AMDHD1: variants seen among roughly 807,000 people sequenced by gnomAD.
AMDHD1 encodes the protein amidohydrolase domain containing 1.
In AMDHD1, 45 loss-of-function variants were observed where a neutral mutation model predicts 44.1. The observed-to-expected ratio is 1.02, with a 90% CI of 0.80 to 1.31. The LOEUF (loss-of-function observed/expected upper bound fraction) is 1.31, where lower values mean the gene tolerates loss of function less well. Ranked by LOEUF, AMDHD1 falls within the 50% of genes most tolerant of loss-of-function variation. AMDHD1 has a pLI of 0.00. For missense variants in AMDHD1, 586 were observed against 552.1 expected (o/e 1.06, Z -0.61); for synonymous variants, 206 against 205.0 (o/e 1.00, Z -0.04).
At chr12:95,967,580 T>G (rs1254310295) in intron 8 of AMDHD1, among the ~76,000 whole-genome samples, 176 bp from the exon 9 acceptor site, 1 of 152,248 alleles carries the variant, frequency 6.6e-6, no homozygotes, top group Non-Finnish European at 1.5e-5. Flanking sequence ...TAAACAATGT[T>G]TGATTTACCA....
intron 5 of AMDHD1, among the ~76,000 whole-genome samples, chr12:95,961,128 G>C (rs1026979936): frequency 5.6e-5 from 7 of 125,492 alleles, no homozygotes; most frequent in Middle Eastern, 5.1e-3. Context: ...CTGGGGGACA[G>C]AGCAAGACTC....
chr12:95,964,800 C>A (rs56093046), intron 6 of AMDHD1, among the ~76,000 whole-genome samples: 1 of 151,542 alleles, frequency 6.6e-6, no homozygotes, highest in African/African-American at 2.4e-5. Flanking sequence ...TGAGATATGT[C>A]TTAAAGAATA....
At chr12:95,945,120 C>T (rs963365457) in intron 1 of AMDHD1, among the ~76,000 whole-genome samples, 71 of 152,174 alleles carry the variant, frequency 4.7e-4, no homozygotes, top group African/African-American at 1.6e-3. Flanking sequence ...GGTGACAGAG[C>T]GAGACTCTGT....
Position 95,964,928 on chromosome 12 carries a change from C to CAAAAAAAAAAAAAAAAAAAAAAAAAAAA in AMDHD1, c.939-735_939-734insAAAAAAAAAAAAAAAAAAAAAAAAAAAA, listed in dbSNP as rs60076877. ...AAAGGACCTACAGAGATGTTTGAGG[C>CAAAAAAAAAAAAAAAAAAAAAAAAAAAA]AAAAAAAAAAAAAAAAAAAAAAAGA... On this transcript the variant is annotated intron_variant, in intron 6 of 8. Coordinates refer to ENST00000266736, the MANE Select transcript of AMDHD1 (RefSeq NM_152435.3). 5.6e-5 allele frequency among the ~76,000 whole-genome samples: 2 copies of CAAAAAAAAAAAAAAAAAAAAAAAAAAAA among 35,832 alleles called. 1 individual carries two copies. The highest frequency in any genetic ancestry group is 2.7e-4 in the African/African-American group (2 of 7,360). The allele number at this position is 35,832 out of a possible 152,430, so 23.5% of individuals were successfully genotyped here. A position where few individuals can be genotyped will look rare whatever the true frequency, so the allele number is the denominator to read the frequency against.
intron 1 of AMDHD1, among the ~76,000 whole-genome samples, chr12:95,950,583 C>T (rs956042348): frequency 7.2e-5 from 11 of 152,190 alleles, no homozygotes; most frequent in African/African-American, 1.7e-4. Flanking sequence ...TCCAGACATA[C>T]GAATGCAGGG....
intron 8 of AMDHD1, among the ~76,000 whole-genome samples, chr12:95,966,709 C>T (rs936318332): frequency 6.6e-6 from 1 of 152,204 alleles, no homozygotes; most frequent in African/African-American, 2.4e-5. Context: ...TTTTCAAGAT[C>T]TCTTCATCTG....
intron 6 of AMDHD1, 31 bp from the exon 7 acceptor site, chr12:95,965,654 TA>T: frequency 6.6e-7 from 1 of 1,507,480 alleles, no homozygotes; most frequent in East Asian, 2.3e-5. Flanking sequence ...GCTCCCATTC[TA>T]GAGACTGACA....
At position 95,954,276 on chromosome 12, in the gene AMDHD1, A is replaced by G. The variant is rs557510032; in HGVS notation, c.245-635A>G. Among the ~76,000 whole-genome samples the G allele has an allele frequency of 2.0e-5, 3 of 152,212 alleles. No homozygotes were observed. In the South Asian group the frequency reaches 6.2e-4, roughly 32 times the overall value. Reference sequence around the variant, plus strand: ...CTAGGGGGCTTGACAACCTAATTTCAAAGCTTATTTGGGCCAGGAGTAGTG... The same window carrying G: ...CTAGGGGGCTTGACAACCTAATTTCGAAGCTTATTTGGGCCAGGAGTAGTG... On this transcript the variant is annotated intron_variant, in intron 2 of 8. Coordinates refer to ENST00000266736, the MANE Select transcript of AMDHD1 (RefSeq NM_152435.3).
intron 8 of AMDHD1, 120 bp from the exon 9 acceptor site, chr12:95,967,636 T>C: frequency 1.3e-6 from 1 of 756,254 alleles, no homozygotes; most frequent in South Asian, 2.1e-5. Flanking sequence ...CCAAATACCA[T>C]TGACTGGGTG....
intron 1 of AMDHD1, among the ~76,000 whole-genome samples, chr12:95,952,173 G>A (rs1050828970): frequency 1.3e-5 from 2 of 152,144 alleles, no homozygotes; most frequent in Admixed American, 1.3e-4. Context: ...CAATGTCCTA[G>A]AGAGTTTTCC....
intron 2 of AMDHD1, among the ~76,000 whole-genome samples, chr12:95,954,238 A>G (rs1325793954): frequency 1.3e-5 from 2 of 152,170 alleles, no homozygotes; most frequent in African/African-American, 4.8e-5. Flanking sequence ...GATAAGGTTC[A>G]TGGTTTTGCC....
intron 2 of AMDHD1, 146 bp from the exon 3 acceptor site, chr12:95,954,765 G>C: frequency 3.0e-6 from 2 of 672,850 alleles, no homozygotes; most frequent in South Asian, 4.2e-5. Context: ...GAACCAGACA[G>C]ACAAATTCTT....
chr12:95,947,632 A>G (rs2080502788), intron 1 of AMDHD1, among the ~76,000 whole-genome samples: 1 of 55,722 alleles, frequency 1.8e-5, no homozygotes, highest in Non-Finnish European at 3.2e-5. Flanking sequence ...TGGGGGGGTC[A>G]GCCCCCCGCC....
chr12:95,962,283 C>G (rs1050257012), intron 5 of AMDHD1, 72 bp from the exon 6 acceptor site: 15 of 1,551,960 alleles, frequency 9.7e-6, no homozygotes, highest in Non-Finnish European at 1.2e-5. Context: ...ACAAACAAAG[C>G]AATTTAATGG....
chr12:95,949,438 ACT>A (rs1300421184), intron 1 of AMDHD1, among the ~76,000 whole-genome samples: 4 of 152,164 alleles, frequency 2.6e-5, no homozygotes, highest in African/African-American at 7.2e-5. Context: ...CTTTCAGAAG[ACT>A]CTGCAGAATT....
intron 4 of AMDHD1, among the ~76,000 whole-genome samples, chr12:95,957,501 C>G (rs538465567): frequency 1.3e-5 from 2 of 152,246 alleles, no homozygotes; most frequent in East Asian, 3.9e-4. Context: ...TCTGTACTTG[C>G]ATTTTATTTG....
intron 3 of AMDHD1, 47 bp from the exon 4 acceptor site, chr12:95,956,638 T>A (rs192045864): frequency 6.3e-7 from 1 of 1,599,246 alleles, no homozygotes; most frequent in African/African-American, 1.3e-5. Context: ...CAGACCTCCC[T>A]GCAACTTCCT....
rs201031842 is a variant in AMDHD1 at position 95,962,374 on chromosome 12, C to T, written c.833C>T (p.Ala278Val). Residue 278 changes from alanine to valine, a missense_variant, in exon 6 of 9, where the codon GCG (alanine) becomes GTG (valine). Coordinates refer to ENST00000266736, the MANE Select transcript of AMDHD1 (RefSeq NM_152435.3). ...KAAELGAELG[A>V]QAISHLEEVS... ...CCTTAGCTTGGGGCTGAACTGGGAG[C>T]GCAGGCAATCAGCCACCTGGAAGAA... 1.3e-4 allele frequency: 210 copies of T among 1,613,474 alleles called. 1 individual carries two copies. Among genetic ancestry groups the T allele is most frequent in the Non-Finnish European group, 1.7e-4 (202 of 1,179,806 alleles).
intron 1 of AMDHD1, among the ~76,000 whole-genome samples, chr12:95,944,100 G>C (rs1420330100): frequency 2.0e-5 from 3 of 152,022 alleles, no homozygotes; most frequent in African/African-American, 7.2e-5. Context: ...CAGAAAACAA[G>C]ATATTTCTCT....
Sources: allele counts gnomAD v4.1 joint callset (sites outside exome capture counted in the v4.1 genomes callset), GRCh38; gene constraint gnomAD v4.1.1; transcripts MANE v1.5; gene names NCBI Gene and HGNC (gene_info 2026-07-23, HGNC 2026-07-21).